Variants in ANO1 observed in about 807,000 individuals in gnomAD.
The protein encoded by ANO1 is anoctamin 1, also known as anoctamin-1.
A neutral mutation model predicts 124.0 loss-of-function variants in ANO1; 59 were observed. That is an observed-to-expected ratio of 0.48 (90% CI 0.39 to 0.59). The LOEUF (loss-of-function observed/expected upper bound fraction) is 0.59. ANO1 is among the 20% of genes least tolerant of loss of function. The pLI is 0.00. For synonymous variants in ANO1, 529 were observed against 532.0 expected, an observed-to-expected ratio of 0.99 and a Z score of 0.08; for missense variants, 1,059 against 1,328.0, an observed-to-expected ratio of 0.80 and a Z score of 3.15.
At chr11:70,070,872 G>A (rs148488463) in intron 1 of ANO1, among the ~76,000 whole-genome samples, 196 of 152,302 alleles carry the variant, frequency 1.3e-3, no homozygotes, top group African/African-American at 4.2e-3. Flanking sequence ...CTGCCAAGGC[G>A]GAGTCCTGGA....
At chr11:69,993,859 A>G (rs1856204676) in intron 1 of ANO1, among the ~76,000 whole-genome samples, 1 of 151,820 alleles carries the variant, frequency 6.6e-6, no homozygotes, top group Non-Finnish European at 1.5e-5. Flanking sequence ...TGGCCTTCCT[A>G]TAGCCCTTCA....
chr11:69,998,082 T>C (rs1266943175), intron 1 of ANO1, among the ~76,000 whole-genome samples: 15 of 152,210 alleles, frequency 9.9e-5, no homozygotes, highest in African/African-American at 3.4e-4. Context: ...GAGACCCTCC[T>C]GGACCACTCC....
At chr11:70,116,170 G>A (rs532767462) in intron 7 of ANO1, among the ~76,000 whole-genome samples, 4 of 152,250 alleles carry the variant, frequency 2.6e-5, no homozygotes, top group East Asian at 1.9e-4. Flanking sequence ...CCAAGGACCC[G>A]ACCGTGGATC....
At chr11:70,099,112 G>C (rs1371579308) in intron 2 of ANO1, among the ~76,000 whole-genome samples, 5 of 152,070 alleles carry the variant, frequency 3.3e-5, no homozygotes, top group Non-Finnish European at 7.4e-5. Flanking sequence ...CGTGGCTCTC[G>C]ACAAAGTAGG....
intron 1 of ANO1, among the ~76,000 whole-genome samples, chr11:70,006,565 TTCTTTCTTTCTTTCTTA>T (rs1856488354): frequency 1.8e-5 from 2 of 109,164 alleles, no homozygotes; most frequent in Non-Finnish European, 4.2e-5. Context: ...TTTCTTTCTT[TTCTTTCTTTCTTTCTTA>T]CTTACTTTCT....
intron 1 of ANO1, among the ~76,000 whole-genome samples, chr11:70,012,288 A>C (rs1447677767): frequency 6.6e-6 from 1 of 151,144 alleles, no homozygotes; most frequent in Non-Finnish European, 1.5e-5. Context: ...CCTTTCACCC[A>C]TCCATCCATC....
chr11:69,987,925 A>T (rs1187545729), intron 1 of ANO1, among the ~76,000 whole-genome samples: 7 of 152,180 alleles, frequency 4.6e-5, no homozygotes, highest in African/African-American at 1.7e-4. Context: ...CCACTCCCGG[A>T]GAGCAGGCCT....
chr11:70,187,384 T>G (rs985346399), intron 25 of ANO1, among the ~76,000 whole-genome samples: 1 of 152,238 alleles, frequency 6.6e-6, no homozygotes, highest in Admixed American at 6.5e-5. Flanking sequence ...GATCCATTTG[T>G]GGCTATTTCC....
chr11:70,085,349 C>T (rs12296025), intron 1 of ANO1: 196,467 of 1,416,366 alleles, frequency 0.14, 16,352 homozygotes, highest in African/African-American at 0.35. Flanking sequence ...CACCCACCCA[C>T]ATGGGCGTGG....
chr11:70,102,100 C>T (rs764673716), intron 2 of ANO1, among the ~76,000 whole-genome samples: 3 of 152,166 alleles, frequency 2.0e-5, no homozygotes, highest in East Asian at 1.9e-4. Flanking sequence ...CTATTAAACG[C>T]GAAATCCAGA....
In ANO1 at chr11:70,008,217, A is replaced by T. The variant is rs143729766; in HGVS notation, c.58+22051A>T. Among the ~76,000 whole-genome samples the T allele has an allele frequency of 5.4e-3, 815 of 152,100 alleles. 7 individuals are homozygous for T. The highest frequency in any genetic ancestry group is 0.017 in the African/African-American group (726 of 41,490). ...CTTCTACTCAGTAAATTGCCGTTTC[A>T]CTCTGTTTATTTCCTTTGCTGTGCA... On this transcript the variant is annotated intron_variant, in intron 1 of 27. Coordinates refer to the ANO1 transcript ENST00000531349.
intron 15 of ANO1, among the ~76,000 whole-genome samples, chr11:70,156,712 C>T (rs918443384): frequency 6.6e-6 from 1 of 152,176 alleles, no homozygotes; most frequent in Admixed American, 6.5e-5. Flanking sequence ...CAGTGTTAAA[C>T]GGTTCTTGCT....
At chr11:70,046,652 G>C (rs1304739752) in intron 1 of ANO1, among the ~76,000 whole-genome samples, 2 of 152,122 alleles carry the variant, frequency 1.3e-5, no homozygotes, top group African/African-American at 4.8e-5. Flanking sequence ...AGGTGGCAAA[G>C]AACTCCTCAA....
intron 5 of ANO1, among the ~76,000 whole-genome samples, chr11:70,107,955 G>T (rs1318293360): frequency 5.9e-5 from 9 of 152,218 alleles, no homozygotes; most frequent in Non-Finnish European, 8.8e-5. Flanking sequence ...GTCCCAGAGT[G>T]GTGCTGTTCC....
At chr11:70,155,552 C>G (rs1329006667) in intron 14 of ANO1, among the ~76,000 whole-genome samples, 1 of 152,230 alleles carries the variant, frequency 6.6e-6, no homozygotes, top group Non-Finnish European at 1.5e-5. Context: ...CTGGGTGTGG[C>G]TTCCTTCTTG....
chr11:70,120,401 G>A (rs2046212873), intron 8 of ANO1, among the ~76,000 whole-genome samples: 1 of 152,128 alleles, frequency 6.6e-6, no homozygotes, highest in African/African-American at 2.4e-5. Context: ...GTGTTCTGGT[G>A]GGCAGCTGCT....
chr11:70,080,885 G>C lies in ANO1; in HGVS notation c.108+2171G>C, dbSNP rs2044181198. Among the ~76,000 whole-genome samples, 4 of 152,334 alleles carry C rather than the reference G, an allele frequency of 2.6e-5. 1 individual carries two copies. The South Asian group carries it at 8.3e-4, about 32-fold the overall frequency. ...GCAGGGGCCTGTTGGTGCAGGGCAG[G>C]CAGCATGGCAGGGAGAGCCTCCCAG... On this transcript the variant is annotated intron_variant, in intron 1 of 25. Coordinates refer to ENST00000355303, the MANE Select transcript of ANO1 (RefSeq NM_018043.7).
At chr11:70,098,961 AG>A (rs1009209180) in intron 2 of ANO1, among the ~76,000 whole-genome samples, 1 of 152,116 alleles carries the variant, frequency 6.6e-6, no homozygotes, top group African/African-American at 2.4e-5. Context: ...GTTCAGAGGG[AG>A]GTTTCCGCCG....
At chr11:70,095,918 A>G (rs1242858707) in intron 2 of ANO1, among the ~76,000 whole-genome samples, 1 of 152,088 alleles carries the variant, frequency 6.6e-6, no homozygotes, top group African/African-American at 2.4e-5. Flanking sequence ...CAAGTCAGCT[A>G]TGTCATGTTT....
Sources: gnomAD v4.1 joint callset for allele counts (sites outside exome capture counted in the v4.1 genomes callset) on GRCh38, gnomAD v4.1.1 for gene constraint, MANE v1.5 for transcripts, NCBI Gene and HGNC (gene_info 2026-07-23, HGNC 2026-07-21) for gene names.